The following AGBL4 variants were observed in gnomAD, a reference collection of about 807,000 sequenced individuals.
AGBL4 encodes cytosolic carboxypeptidase 6.
AGBL4 carries 58 observed loss-of-function variants against 66.4 expected under a neutral mutation model. That is an observed-to-expected ratio of 0.87 (90% CI 0.71 to 1.09). AGBL4 has a LOEUF of 1.09. AGBL4 is among the 50% of genes least tolerant of loss of function. AGBL4 has a pLI of 0.00. For missense variants in AGBL4, 579 were observed against 631.0 expected, an observed-to-expected ratio of 0.92 and a Z score of 0.88; for synonymous variants, 234 against 222.9, an observed-to-expected ratio of 1.05 and a Z score of -0.44.
intron 2 of AGBL4, among the ~76,000 whole-genome samples, chr1:49,741,641 A>G (rs1650486462): frequency 6.6e-6 from 1 of 152,236 alleles, no homozygotes; most frequent in Non-Finnish European, 1.5e-5. Context: ...CATCGATGCA[A>G]AAATCCTCAA....
chr1:49,764,167 G>A (rs556706613), intron 2 of AGBL4, among the ~76,000 whole-genome samples: 1 of 152,244 alleles, frequency 6.6e-6, no homozygotes. Flanking sequence ...TTCCTCTGGA[G>A]CAAAATTCCC....
intron 5 of AGBL4, among the ~76,000 whole-genome samples, chr1:48,904,805 GA>G (rs1406239280): frequency 6.6e-6 from 1 of 152,098 alleles, no homozygotes; most frequent in Non-Finnish European, 1.5e-5. Context: ...TCCCAAAGAA[GA>G]AACATGTAAT....
chr1:49,145,306 G>C (rs978058874), intron 4 of AGBL4, among the ~76,000 whole-genome samples: 1 of 152,038 alleles, frequency 6.6e-6, no homozygotes, highest in African/African-American at 2.4e-5. Flanking sequence ...TAATAAGACT[G>C]CCTGGTTTTG....
At chr1:48,966,726 T>C (rs1658453975) in intron 5 of AGBL4, among the ~76,000 whole-genome samples, 1 of 152,102 alleles carries the variant, frequency 6.6e-6, no homozygotes, top group Non-Finnish European at 1.5e-5. Flanking sequence ...AGAGACTTTT[T>C]TTTTTCTACC....
intron 7 of AGBL4, among the ~76,000 whole-genome samples, chr1:48,658,624 T>C (rs983826248): frequency 6.6e-6 from 1 of 151,966 alleles, no homozygotes; most frequent in Non-Finnish European, 1.5e-5. Flanking sequence ...TCTAGAAAAG[T>C]GAAAGGCCCC....
At chr1:49,958,486 C>G (rs1367224619) in intron 1 of AGBL4, among the ~76,000 whole-genome samples, 2 of 151,922 alleles carry the variant, frequency 1.3e-5, no homozygotes, top group African/African-American at 4.8e-5. Context: ...AAATGTGGCA[C>G]ATATACACCA....
At chr1:49,845,429 G>A (rs1350354698) in intron 2 of AGBL4, 133 of 1,440,058 alleles carry the variant, frequency 9.2e-5, no homozygotes, top group Non-Finnish European at 1.3e-4. Context: ...AACAAGTGTG[G>A]GAAAGCCTTC....
At chr1:48,732,736 A>G (rs1411292563) in intron 6 of AGBL4, among the ~76,000 whole-genome samples, 1 of 152,198 alleles carries the variant, frequency 6.6e-6, no homozygotes, top group Non-Finnish European at 1.5e-5. Flanking sequence ...CATCTGTAAC[A>G]GGTGAGGAGT....
At chr1:50,005,382 C>A (rs1253566404) in intron 1 of AGBL4, among the ~76,000 whole-genome samples, 2 of 152,160 alleles carry the variant, frequency 1.3e-5, no homozygotes, top group East Asian at 3.9e-4. Flanking sequence ...TTATCCAAAA[C>A]AACCAAGATG....
At chr1:48,920,318 T>A (rs1224246354) in intron 5 of AGBL4, among the ~76,000 whole-genome samples, 1 of 152,138 alleles carries the variant, frequency 6.6e-6, no homozygotes, top group Non-Finnish European at 1.5e-5. Flanking sequence ...CCCTCCTAGC[T>A]CCCAGGATTT....
chr1:49,530,973 G>A (rs943490063), intron 3 of AGBL4, among the ~76,000 whole-genome samples: 17 of 152,060 alleles, frequency 1.1e-4, no homozygotes, highest in African/African-American at 3.6e-4. Flanking sequence ...AGATGAAATA[G>A]TATATGTAAA....
At chr1:49,750,020 A>T (rs1651323674) in intron 2 of AGBL4, among the ~76,000 whole-genome samples, 1 of 152,174 alleles carries the variant, frequency 6.6e-6, no homozygotes, top group African/African-American at 2.4e-5. Flanking sequence ...CAATTTAACA[A>T]AGATGACAAG....
chr1:48,906,310 A>G (rs1652581459), intron 5 of AGBL4, among the ~76,000 whole-genome samples: 2 of 152,194 alleles, frequency 1.3e-5, no homozygotes, highest in South Asian at 2.1e-4. Flanking sequence ...TAAATCATGT[A>G]CTGATTTTGA....
chr1:49,262,748 G>A (rs1293975634), intron 3 of AGBL4, among the ~76,000 whole-genome samples: 4 of 152,244 alleles, frequency 2.6e-5, no homozygotes, highest in Admixed American at 1.3e-4. Flanking sequence ...TCAGTGTGGC[G>A]ATTCCTCAGG....
intron 11 of AGBL4, among the ~76,000 whole-genome samples, chr1:48,563,047 T>C (rs1209935706): frequency 6.6e-6 from 1 of 152,232 alleles, no homozygotes; most frequent in Non-Finnish European, 1.5e-5. Context: ...GGCTTCTTTC[T>C]TTCCAAAAGC....
intron 3 of AGBL4, among the ~76,000 whole-genome samples, chr1:49,324,838 T>C (rs1645197779): frequency 6.6e-6 from 1 of 152,204 alleles, no homozygotes; most frequent in South Asian, 2.1e-4. Context: ...ATATATCCAG[T>C]GTTTATCACA....
intron 6 of AGBL4, among the ~76,000 whole-genome samples, chr1:48,806,467 C>A (rs1278151310): frequency 6.6e-6 from 1 of 152,190 alleles, no homozygotes; most frequent in South Asian, 2.1e-4. Context: ...TGAGCAAAAT[C>A]CCTACCTCTA....
intron 6 of AGBL4, among the ~76,000 whole-genome samples, chr1:48,696,545 G>A (rs903542136): frequency 1.3e-5 from 2 of 152,164 alleles, no homozygotes; most frequent in African/African-American, 2.4e-5. Context: ...TAGATTCCTT[G>A]CCTGATGTCT....
intron 3 of AGBL4, among the ~76,000 whole-genome samples, chr1:49,696,222 C>G (rs1392288940): frequency 1.3e-5 from 2 of 152,068 alleles, no homozygotes; most frequent in Non-Finnish European, 2.9e-5. Flanking sequence ...GATCAGTTGT[C>G]TCAATATAAC....
Sources: gnomAD v4.1 joint callset for allele counts (sites outside exome capture counted in the v4.1 genomes callset) on GRCh38, gnomAD v4.1.1 for gene constraint, MANE v1.5 for transcripts, NCBI Gene and HGNC (gene_info 2026-07-23, HGNC 2026-07-21) for gene names.